Variants in CELF1 observed in about 807,000 individuals in gnomAD.
The protein encoded by CELF1 is 50 kDa nuclear polyadenylated RNA-binding protein.
Under a neutral mutation model 61.8 loss-of-function variants are expected in CELF1, and 10 were observed. The ratio of observed to expected loss-of-function variants is 0.16; its 90% CI spans 0.10 to 0.27. CELF1 has a LOEUF of 0.27. Among genes scored for constraint, CELF1 ranks in the 10% least tolerant of loss-of-function variants. The pLI is 1.00. For synonymous variants in CELF1, 236 were observed against 225.1 expected, an observed-to-expected ratio of 1.05 and a Z score of -0.43; for missense variants, 380 against 639.1, an observed-to-expected ratio of 0.59 and a Z score of 4.37.
intron 3 of CELF1, among the ~76,000 whole-genome samples, chr11:47,491,202 GC>G (rs1315345715): frequency 6.6e-6 from 1 of 150,938 alleles, no homozygotes; most frequent in Non-Finnish European, 1.5e-5. Flanking sequence ...TCTCTCTGTT[GC>G]CCAGGCTGGA....
intron 9 of CELF1, 71 bp downstream of exon 9, chr11:47,482,624 G>C (rs2084024919): frequency 1.4e-6 from 2 of 1,461,126 alleles, no homozygotes; most frequent in East Asian, 2.3e-5. Flanking sequence ...GTGTTTGTTG[G>C]CTAGGGACAG....
chr11:47,549,694 A>G (rs566623230), intron 1 of CELF1, among the ~76,000 whole-genome samples: 66 of 152,238 alleles, frequency 4.3e-4, no homozygotes, highest in Non-Finnish European at 8.1e-4. Flanking sequence ...CTGTTGTCCA[A>G]CAGGCATAGA....
chr11:47,536,087 T>C (rs1349560566), intron 1 of CELF1, among the ~76,000 whole-genome samples: 2 of 152,072 alleles, frequency 1.3e-5, no homozygotes, highest in African/African-American at 4.8e-5. Context: ...AAATAGTTTC[T>C]GGCCAGCATG....
intron 2 of CELF1, among the ~76,000 whole-genome samples, chr11:47,558,673 A>T (rs1289470258): frequency 1.6e-4 from 18 of 110,230 alleles, no homozygotes; most frequent in Non-Finnish European, 1.2e-4. Context: ...ACATAATATA[A>T]TATGTAATAT....
At chr11:47,472,498 A>G (rs1460011374) in intron 14 of CELF1, 141 bp from the exon 15 acceptor site, 1 of 877,722 alleles carries the variant, frequency 1.1e-6, no homozygotes, top group East Asian at 2.5e-5. Context: ...ACATTATGTC[A>G]TACGAAATAA....
chr11:47,492,399 C>A (rs1490232469), intron 3 of CELF1, among the ~76,000 whole-genome samples: 1 of 152,068 alleles, frequency 6.6e-6, no homozygotes, highest in Non-Finnish European at 1.5e-5. Flanking sequence ...AATGCTTAAT[C>A]CTAATGTTCC....
intron 1 of CELF1, among the ~76,000 whole-genome samples, chr11:47,509,897 CA>C (rs34105209): frequency 1.1e-3 from 146 of 136,408 alleles, no homozygotes; most frequent in African/African-American, 3.0e-3. Context: ...TGTGGTGTCT[CA>C]AAAAAAAAAA....
intron 3 of CELF1, among the ~76,000 whole-genome samples, chr11:47,489,660 A>G (rs2089958130): frequency 6.6e-6 from 1 of 152,190 alleles, no homozygotes; most frequent in African/African-American, 2.4e-5. Context: ...AAACAATGTT[A>G]CCATCATTTT....
chr11:47,553,818 A>T (rs2868996), upstream of CELF1, among the ~76,000 whole-genome samples: 46,566 of 147,740 alleles, frequency 0.32, 7,540 homozygotes, highest in South Asian at 0.39. Flanking sequence ...ATATATATAT[A>T]TTTTTTTTTC....
chr11:47,485,701 C>A (rs1174167792), intron 6 of CELF1, among the ~76,000 whole-genome samples: 2 of 151,720 alleles, frequency 1.3e-5, no homozygotes, highest in African/African-American at 4.8e-5. Context: ...CCTGTCTCAG[C>A]CTCCTGAGTA....
At chr11:47,489,123 G>A in intron 3 of CELF1, 99 bp from the exon 4 acceptor site, 1 of 1,049,872 alleles carries the variant, frequency 9.5e-7, no homozygotes, top group Non-Finnish European at 1.3e-6. Context: ...GAGAACGTAA[G>A]GGAAAAAAAA....
At chr11:47,482,327 G>A (rs1230373397) in intron 9 of CELF1, 1 of 162,716 alleles carries the variant, frequency 6.1e-6, no homozygotes, top group East Asian at 1.7e-4. Flanking sequence ...GGATTTTAAT[G>A]ATGCCCTCTA....
At chr11:47,473,281 C>T (rs375805983) in intron 13 of CELF1, 50 bp from the exon 14 acceptor site, 64 of 1,549,034 alleles carry the variant, frequency 4.1e-5, no homozygotes, top group South Asian at 1.1e-4. Context: ...ACATGCTCGT[C>T]GCCCTGCACC....
Position 47,550,433 on chromosome 11 carries a change from AG to A in CELF1, c.-154+2558del, listed in dbSNP as rs1487246980. 3.9e-5 allele frequency among the ~76,000 whole-genome samples: 6 copies of A among 152,244 alleles called. 1 individual carries two copies. The highest frequency in any genetic ancestry group is 1.4e-4 in the African/African-American group (6 of 41,560). On this transcript the variant is annotated intron_variant, in intron 1 of 14. Coordinates refer to ENST00000687097, the MANE Select transcript of CELF1 (RefSeq NM_001376376.1). ...GTAATCACAGCTACTCGGGAGGCTG[AG>A]GCAGGAGAACTGCTTGAGCCCGGGG...
intron 14 of CELF1, 116 bp downstream of exon 14, chr11:47,472,972 A>G (rs570198234): frequency 2.8e-4 from 331 of 1,183,398 alleles, no homozygotes; most frequent in Non-Finnish European, 3.6e-4. Flanking sequence ...TGACCTGCCC[A>G]TGGCCAAGTT....
intron 3 of CELF1, 95 bp from the exon 4 acceptor site, chr11:47,489,119 GT>G (rs2089534156): frequency 9.4e-7 from 1 of 1,064,634 alleles, no homozygotes. Flanking sequence ...TTCTGAGAAC[GT>G]AAGGGAAAAA....
At chr11:47,487,360 GA>G (rs1451088407) in intron 4 of CELF1, 119 bp from the exon 5 acceptor site, 3 of 670,712 alleles carry the variant, frequency 4.5e-6, no homozygotes, top group South Asian at 3.5e-5. Context: ...AAATTAGTGA[GA>G]GGGGGAGGGT....
chr11:47,516,607 T>G (rs1442864654), intron 1 of CELF1, among the ~76,000 whole-genome samples: 1 of 152,018 alleles, frequency 6.6e-6, no homozygotes, highest in African/African-American at 2.4e-5. Flanking sequence ...TTCTCTTTTT[T>G]TTTTTTTGTT....
chr11:47,476,309 A>G (rs546810369), intron 12 of CELF1, among the ~76,000 whole-genome samples: 5 of 152,256 alleles, frequency 3.3e-5, no homozygotes, highest in South Asian at 4.1e-4. Flanking sequence ...ATTTTTAACA[A>G]TCCTTCAAAG....
Sources: gnomAD v4.1 joint callset for allele counts (sites outside exome capture counted in the v4.1 genomes callset) on GRCh38, gnomAD v4.1.1 for gene constraint, MANE v1.5 for transcripts, NCBI Gene and HGNC (gene_info 2026-07-23, HGNC 2026-07-21) for gene names.